Variants in DNAH12 observed in about 807,000 individuals in gnomAD.
The protein encoded by DNAH12 is dynein axonemal heavy chain 12, also known as axonemal beta dynein heavy chain 12.
A neutral mutation model predicts 371.5 loss-of-function variants in DNAH12; 285 were observed. The observed-to-expected ratio is 0.77, with a 90% CI of 0.70 to 0.85. The LOEUF (loss-of-function observed/expected upper bound fraction) is 0.85. Ranked by LOEUF, DNAH12 falls within the 40% of genes least tolerant of loss-of-function variation. DNAH12 has a pLI of 0.00. For synonymous variants in DNAH12, 1,200 were observed against 1,213.0 expected (o/e 0.99, Z 0.22); for missense variants, 3,611 against 3,689.4 (o/e 0.98, Z 0.55).
chr3:57,382,935 C>G (rs1280896275), intron 49 of DNAH12, among the ~76,000 whole-genome samples: 2 of 152,180 alleles, frequency 1.3e-5, no homozygotes. Context: ...AACTATATAT[C>G]TTAGTTTTTC....
chr3:57,555,701 G>C, the DNAH12 span, among the ~76,000 whole-genome samples: 1 of 152,248 alleles, frequency 6.6e-6, no homozygotes, highest in Non-Finnish European at 1.5e-5. Flanking sequence ...AAATAAGATA[G>C]TGTGTGTAGC....
At chr3:57,519,065 T>C (rs1347715667) in intron 4 of DNAH12, among the ~76,000 whole-genome samples, 4 of 152,146 alleles carry the variant, frequency 2.6e-5, no homozygotes, top group East Asian at 1.9e-4. Flanking sequence ...TCAGCTGAAA[T>C]TGTCACTGAT....
At chr3:57,416,189 T>C (rs1003014815) in intron 37 of DNAH12, among the ~76,000 whole-genome samples, 1 of 151,612 alleles carries the variant, frequency 6.6e-6, no homozygotes, top group Non-Finnish European at 1.5e-5. Context: ...GCTCAAGTGA[T>C]CCTCCTGCCT....
At chr3:57,509,372 T>C (rs910598959) in intron 5 of DNAH12, among the ~76,000 whole-genome samples, 160 bp from the exon 6 acceptor site, 4 of 152,236 alleles carry the variant, frequency 2.6e-5, no homozygotes, top group African/African-American at 9.6e-5. Flanking sequence ...TTCTTGGTAG[T>C]ATTTTGGCCT....
rs760375171 is a variant in DNAH12, at chr3:57,429,690, C to T, written c.5064+1G>A. ...ACCATTGTATTAAATTATGAACTTA[C>T]GGATGCCTGGGAAAGGTCCATTGTT... On this transcript the variant is annotated splice_donor_variant, in intron 33 of 73. Coordinates refer to ENST00000495027, the MANE Select transcript of DNAH12 (RefSeq NM_001366028.2). LOFTEE classifies it high-confidence loss of function. 50 of 1,529,380 alleles carry T rather than the reference C, an allele frequency of 3.3e-5. 1 individual carries two copies. Among genetic ancestry groups the T allele is most frequent in the Admixed American group, 2.4e-4 (11 of 46,060 alleles). 94.7% of individuals were successfully genotyped at this position (1,529,380 alleles called of 1,614,324 possible).
intron 15 of DNAH12, 97 bp downstream of exon 15, chr3:57,471,375 T>C (rs1306767249): frequency 6.1e-5 from 72 of 1,183,764 alleles, no homozygotes; most frequent in Non-Finnish European, 7.4e-5. Flanking sequence ...CATAAAAAAA[T>C]AGTAAACATA....
chr3:57,475,183 G>C (rs2066485405), intron 13 of DNAH12, among the ~76,000 whole-genome samples: 1 of 152,094 alleles, frequency 6.6e-6, no homozygotes, highest in South Asian at 2.1e-4. Flanking sequence ...TTCTAGAAAA[G>C]GGTGGAAGAA....
chr3:57,435,373 C>CAAAAAAAAAA (rs34515598), intron 30 of DNAH12, among the ~76,000 whole-genome samples: 14 of 94,732 alleles, frequency 1.5e-4, no homozygotes, highest in Non-Finnish European at 2.2e-4. Context: ...CTCTGTCTCC[C>CAAAAAAAAAA]AAAAAAAAAA....
intron 60 of DNAH12, among the ~76,000 whole-genome samples, chr3:57,344,002 C>T (rs1437209285): frequency 6.6e-6 from 1 of 152,126 alleles, no homozygotes; most frequent in African/African-American, 2.4e-5. Flanking sequence ...TTCTACACTC[C>T]TTTTTGCTAA....
At chr3:57,554,231 G>T in the DNAH12 span, among the ~76,000 whole-genome samples, 1 of 130,930 alleles carries the variant, frequency 7.6e-6, no homozygotes, top group Non-Finnish European at 1.6e-5. Flanking sequence ...AGGCTGCAGT[G>T]AGCCGAGATC....
chr3:57,458,023 TAC>T lies in DNAH12; in HGVS notation c.3054-22_3054-21del, dbSNP rs765914037. 48 of 1,541,842 alleles carry T rather than the reference TAC, an allele frequency of 3.1e-5. 1 individual carries two copies. The African/African-American group carries it at 5.3e-4, about 17-fold the overall frequency. ...AAAAAACTAGGGAAAAACATGCAAA[TAC>T]AAAAGTTTTAGTTATAATTCATCAC... On this transcript the variant is annotated intron_variant, in intron 21 of 73. Coordinates refer to ENST00000495027, the MANE Select transcript of DNAH12 (RefSeq NM_001366028.2).
At chr3:57,401,461 G>A (rs1176414317) in intron 43 of DNAH12, among the ~76,000 whole-genome samples, 2 of 150,636 alleles carry the variant, frequency 1.3e-5, no homozygotes, top group African/African-American at 2.4e-5. Flanking sequence ...GTACTTGGGA[G>A]GCTGAGACAG....
chr3:57,393,489 G>A (rs914036283), intron 44 of DNAH12, among the ~76,000 whole-genome samples: 3 of 151,776 alleles, frequency 2.0e-5, no homozygotes, highest in African/African-American at 4.8e-5. Flanking sequence ...AGCTGGGCCT[G>A]GTGGCAGGCG....
chr3:57,386,092 A>G (rs975290677), intron 47 of DNAH12, among the ~76,000 whole-genome samples: 1 of 152,230 alleles, frequency 6.6e-6, no homozygotes, highest in African/African-American at 2.4e-5. Flanking sequence ...GACTCATTAA[A>G]AAAACCACAA....
intron 11 of DNAH12, 38 bp from the exon 12 acceptor site, chr3:57,489,725 A>G (rs1156560116): frequency 6.2e-6 from 9 of 1,447,360 alleles, no homozygotes; most frequent in African/African-American, 1.5e-5. Context: ...AAAAATGTTT[A>G]GAACTTTCAG....
rs1297892216 is a variant in DNAH12 at position 57,400,284 on chromosome 3, TA to T, written c.6948+3024del. Among the ~76,000 whole-genome samples, 49 of 148,904 alleles carry T rather than the reference TA, an allele frequency of 3.3e-4. No homozygotes were observed. In the East Asian group the frequency reaches 4.3e-3, roughly 13 times the overall value. On this transcript the variant is annotated intron_variant, in intron 43 of 73. Transcript: ENST00000495027. ...GCCTGGGGCAGAGCGAGACTCTATCTAAAAAAAAAAATTATATGTGAATTTT... is the reference window on the plus strand; with the variant it reads ...GCCTGGGGCAGAGCGAGACTCTATCTAAAAAAAAAATTATATGTGAATTTT...
intron 7 of DNAH12, 135 bp from the exon 8 acceptor site, chr3:57,507,973 G>A: frequency 1.3e-6 from 1 of 743,782 alleles, no homozygotes; most frequent in Non-Finnish European, 2.0e-6. Context: ...CAGATCACGA[G>A]GTCAGGAGTT....
chr3:57,530,453 T>G, intron 2 of DNAH12: 1 of 707,288 alleles, frequency 1.4e-6, no homozygotes, highest in South Asian at 1.6e-5. Context: ...ATGTGATACA[T>G]GCCAGATGCT....
At chr3:57,399,698 C>T (rs2063816861) in intron 43 of DNAH12, among the ~76,000 whole-genome samples, 2 of 152,152 alleles carry the variant, frequency 1.3e-5, no homozygotes, top group Non-Finnish European at 1.5e-5. Context: ...TTCTGCCACC[C>T]CTGAGACAGC....
Sources: gnomAD v4.1 joint callset for allele counts (sites outside exome capture counted in the v4.1 genomes callset) on GRCh38, gnomAD v4.1.1 for gene constraint, MANE v1.5 for transcripts, NCBI Gene and HGNC (gene_info 2026-07-23, HGNC 2026-07-21) for gene names.